Variants in PRMT9 observed in about 807,000 individuals in gnomAD.
The protein encoded by PRMT9 is protein arginine N-methyltransferase 9.
PRMT9 carries 59 observed loss-of-function variants against 83.2 expected under a neutral mutation model. That is an observed-to-expected ratio of 0.71 (90% CI 0.57 to 0.88). The LOEUF (loss-of-function observed/expected upper bound fraction) is 0.88. PRMT9 is among the 40% of genes least tolerant of loss of function. PRMT9 has a pLI of 0.00. For missense variants in PRMT9, 947 were observed against 1,021.9 expected (o/e 0.93, Z 1.00); for synonymous variants, 333 against 353.2 (o/e 0.94, Z 0.64).
At chr4:147,655,596 C>T (rs369760742) in intron 8 of PRMT9, among the ~76,000 whole-genome samples, 2 of 152,072 alleles carry the variant, frequency 1.3e-5, no homozygotes, top group Non-Finnish European at 2.9e-5. Context: ...GTTGCCTAGG[C>T]GGGAGTGCAG....
At chr4:147,663,383 G>A (rs1209756898) in intron 6 of PRMT9, among the ~76,000 whole-genome samples, 1 of 151,788 alleles carries the variant, frequency 6.6e-6, no homozygotes, top group Non-Finnish European at 1.5e-5. Context: ...TTGTGTGTGA[G>A]ACAAGGTCTC....
Position 147,654,388 on chromosome 4 carries a change from G to T in PRMT9, c.1509C>A (p.Leu503=), listed in dbSNP as rs760650287. The T allele has an allele frequency of 1.2e-6, 2 of 1,614,176 alleles. No homozygotes were observed. The highest frequency in any genetic ancestry group is 2.2e-5 in the East Asian group (1 of 44,884). The part of the protein sequence containing the change: ...LGNEAELCSA[L]ANLQTSKPDA... ...CTGGTTTACTGGTCTGAAGGTTAGC[G>T]AGGGCACTACAAAGTTCAGCCTCAT... The change falls in exon 9 of 12, where the codon CTC becomes CTA. Residue 503 remains leucine, a synonymous_variant. Transcript: ENST00000322396.
Position 147,673,095 on chromosome 4 carries a change from C to A in PRMT9, c.607G>T (p.Val203Leu). Residue 203 changes from valine (V) to leucine (L), a missense_variant, in exon 4 of 12, where the codon GTG (valine) becomes TTG (leucine). Coordinates refer to ENST00000322396, the MANE Select transcript of PRMT9 (RefSeq NM_138364.4). Reference sequence around the variant, plus strand: ...GTCTTGGATAACTCACAGGCATACACGGAATGTGCTCCAGCTTTTTTAGCA... The same window carrying A: ...GTCTTGGATAACTCACAGGCATACAAGGAATGTGCTCCAGCTTTTTTAGCA... ...MFAKKAGAHS[V>L]YACELSKTMY... The A allele has an allele frequency of 6.2e-7, 1 of 1,613,866 alleles. No individual in the cohort carries two copies.
At position 147,680,481 on chromosome 4, in the gene PRMT9, TAAG is replaced by T. The variant is rs773319660; in HGVS notation, c.190-13_190-11del. On this transcript the variant is annotated splice_polypyrimidine_tract_variant and intron_variant, in intron 1 of 11. Coordinates refer to ENST00000322396, the MANE Select transcript of PRMT9 (RefSeq NM_138364.4). ...TGTACTGAAAAGTTTCCTTTACAAATAAGAAAAAAATTATGAATTAGTCAATAA... is the reference window on the plus strand; with the variant it reads ...TGTACTGAAAAGTTTCCTTTACAAATAAAAAAATTATGAATTAGTCAATAA... 3 of 1,599,602 alleles carry T rather than the reference TAAG, an allele frequency of 1.9e-6. No individual in the cohort carries two copies. The East Asian group carries it at 6.7e-5, about 36-fold the overall frequency.
At position 147,639,016 on chromosome 4, in the gene PRMT9, G is replaced by A; in HGVS notation, c.2266C>T (p.Leu756Phe). The A allele has an allele frequency of 6.2e-7, 1 of 1,612,006 alleles. No individual in the cohort carries two copies. The highest frequency in any genetic ancestry group is 8.5e-7 in the Non-Finnish European group (1 of 1,178,216). Residue 756 changes from leucine (L) to phenylalanine (F), a missense_variant, in exon 11 of 12, where the codon CTC becomes TTC. Transcript: ENST00000322396. The part of the protein sequence containing the change: ...PCIPLSKPVE[L>F]LRLDLMTPYL... ...GGAGTCATTAAATCTAGTCTTAAGA[G>A]TTCCACTGGCTTGCTTAAAGGTATA... is the stretch of plus-strand genomic sequence containing the variant.
At chr4:147,680,679 A>G (rs1392012993) in intron 1 of PRMT9, among the ~76,000 whole-genome samples, 1 of 152,240 alleles carries the variant, frequency 6.6e-6, no homozygotes, top group Non-Finnish European at 1.5e-5. Flanking sequence ...AAGCAGAATT[A>G]GTCTGACCAC....
At chr4:147,659,576 T>TTTC (rs1238141508) in intron 7 of PRMT9, among the ~76,000 whole-genome samples, 3,248 of 32,266 alleles carry the variant, frequency 0.1, 159 homozygotes, top group African/African-American at 0.19. Flanking sequence ...GGCACTTTCT[T>TTTC]TTCTTTTTTT....
At chr4:147,641,688 T>G (rs147877826) in intron 10 of PRMT9, among the ~76,000 whole-genome samples, 1 of 152,180 alleles carries the variant, frequency 6.6e-6, no homozygotes, top group East Asian at 1.9e-4. Context: ...CAGTAAAAAT[T>G]TGTTACTCTA....
At chr4:147,659,573 TC>T (rs202219908) in intron 7 of PRMT9, among the ~76,000 whole-genome samples, 5,078 of 43,468 alleles carry the variant, frequency 0.12, 238 homozygotes, top group East Asian at 0.41. Flanking sequence ...TTGGGCACTT[TC>T]TTTTCTTTTT....
At chr4:147,643,325 A>C (rs1733534447) in intron 9 of PRMT9, among the ~76,000 whole-genome samples, 1 of 152,186 alleles carries the variant, frequency 6.6e-6, no homozygotes, top group African/African-American at 2.4e-5. Context: ...TTGTATAAAC[A>C]TCAGTAACTA....
chr4:147,683,535 G>A (rs1044749528), intron 1 of PRMT9, among the ~76,000 whole-genome samples: 2 of 152,120 alleles, frequency 1.3e-5, no homozygotes, highest in East Asian at 3.8e-4. Context: ...TCGTAGGTGT[G>A]AATAAACGAA....
chr4:147,670,156 TG>T (rs1578926245), intron 5 of PRMT9, among the ~76,000 whole-genome samples: 1 of 104,054 alleles, frequency 9.6e-6, no homozygotes, highest in East Asian at 2.9e-4. Context: ...TGTTAGTAAA[TG>T]TTTTTATGTT....
chr4:147,676,630 C>A (rs1432551951), intron 2 of PRMT9, among the ~76,000 whole-genome samples: 1 of 152,246 alleles, frequency 6.6e-6, no homozygotes, highest in East Asian at 1.9e-4. Context: ...AAGGAGAATT[C>A]ATTGTCACTC....
rs545340973 is a variant in PRMT9 at position 147,668,721 on chromosome 4, A to T, written c.847-76T>A. 8.1e-4 allele frequency: 710 copies of T among 873,438 alleles called. 11 individuals are homozygous for T. In the South Asian group the frequency reaches 9.8e-3, roughly 12 times the overall value. 54.1% of individuals were successfully genotyped at this position (873,438 alleles called of 1,614,324 possible). On this transcript the variant is annotated intron_variant, in intron 5 of 11. Transcript: ENST00000322396. The stretch of plus-strand genomic sequence containing the variant: ...GTGTGCATAATGATAAGCTATGAAA[A>T]TATAATTTAAAAAACCTAAAAAGAC...
intron 5 of PRMT9, among the ~76,000 whole-genome samples, chr4:147,668,850 G>A (rs575108596): frequency 4.6e-5 from 7 of 152,094 alleles, no homozygotes; most frequent in Non-Finnish European, 1.0e-4. Context: ...ACTTTAGGAG[G>A]CCAAGGCAGG....
At chr4:147,666,327 A>G (rs578194754) in intron 6 of PRMT9, among the ~76,000 whole-genome samples, 1 of 151,890 alleles carries the variant, frequency 6.6e-6, no homozygotes, top group East Asian at 1.9e-4. Context: ...TCTGGGCCCT[A>G]CTCTGTGTTT....
intron 6 of PRMT9, among the ~76,000 whole-genome samples, chr4:147,661,662 C>T (rs1166208376): frequency 1.3e-5 from 2 of 151,754 alleles, no homozygotes; most frequent in African/African-American, 2.4e-5. Flanking sequence ...TGTTGGCGGG[C>T]GCCTGTAGTT....
chr4:147,647,100 T>C (rs954762589), intron 9 of PRMT9, among the ~76,000 whole-genome samples: 10 of 151,974 alleles, frequency 6.6e-5, no homozygotes, highest in African/African-American at 2.4e-4. Context: ...AAGGTTAGGA[T>C]TATGGGAGGA....
At chr4:147,663,779 TAA>T (rs1003081418) in intron 6 of PRMT9, among the ~76,000 whole-genome samples, 5 of 152,216 alleles carry the variant, frequency 3.3e-5, no homozygotes, top group African/African-American at 1.2e-4. Flanking sequence ...TCTTCACTGT[TAA>T]AAGTTTAATG....
Sources: gnomAD v4.1 joint callset for allele counts (sites outside exome capture counted in the v4.1 genomes callset) on GRCh38, gnomAD v4.1.1 for gene constraint, MANE v1.5 for transcripts, NCBI Gene and HGNC (gene_info 2026-07-23, HGNC 2026-07-21) for gene names.